UGT2A2: variants seen among roughly 807,000 people sequenced by gnomAD.
The protein encoded by UGT2A2 is UDP glucuronosyltransferase family 2 member A2.
UGT2A2 carries 60 observed loss-of-function variants against 50.7 expected under a neutral mutation model. The observed-to-expected ratio is 1.18, with a 90% CI of 0.96 to 1.47. The LOEUF (loss-of-function observed/expected upper bound fraction) is 1.47. Among genes scored for constraint, UGT2A2 ranks in the 40% most tolerant of loss-of-function variants. UGT2A2 has a pLI of 0.00. For synonymous variants in UGT2A2, 242 were observed against 214.6 expected (o/e 1.13, Z -1.11); for missense variants, 762 against 634.0 (o/e 1.20, Z -2.17).
At chr4:69,599,166 T>C (rs534336875) in intron 2 of UGT2A2, 80 bp downstream of exon 2, 2 of 1,473,084 alleles carry the variant, frequency 1.4e-6, no homozygotes, top group Non-Finnish European at 1.8e-6. Flanking sequence ...CATTTATTTG[T>C]TATTGAGGCT....
chr4:69,627,955 C>T (rs1721182832), intron 1 of UGT2A2, among the ~76,000 whole-genome samples: 1 of 151,886 alleles, frequency 6.6e-6, no homozygotes, highest in Admixed American at 6.6e-5. Flanking sequence ...TATTCACTTC[C>T]ATTCCACAGA....
chr4:69,597,304 T>C (rs998925442), intron 2 of UGT2A2, among the ~76,000 whole-genome samples: 4 of 152,182 alleles, frequency 2.6e-5, no homozygotes, highest in African/African-American at 9.6e-5. Context: ...TTCTTCTTGA[T>C]GTATAAGCTG....
At chr4:69,616,446 A>G (rs1424081629) in intron 1 of UGT2A2, among the ~76,000 whole-genome samples, 2 of 151,988 alleles carry the variant, frequency 1.3e-5, no homozygotes, top group Admixed American at 6.6e-5. Context: ...TCCTGATTTG[A>G]TCATTACACA....
intron 1 of UGT2A2, among the ~76,000 whole-genome samples, chr4:69,625,725 A>T (rs1721018106): frequency 1.3e-5 from 2 of 151,536 alleles, no homozygotes; most frequent in Non-Finnish European, 3.0e-5. Context: ...ATTTACATAC[A>T]GAAATACAGA....
intron 5 of UGT2A2, among the ~76,000 whole-genome samples, chr4:69,593,886 A>G (rs1015064617): frequency 6.6e-6 from 1 of 151,870 alleles, no homozygotes; most frequent in Non-Finnish European, 1.5e-5. Context: ...TATAATATTA[A>G]GCAGATTATC....
chr4:69,623,231 G>A (rs1720853723), intron 1 of UGT2A2, among the ~76,000 whole-genome samples: 1 of 151,714 alleles, frequency 6.6e-6, no homozygotes, highest in South Asian at 2.1e-4. Context: ...TGTACTGCAT[G>A]CCAAGTGATA....
chr4:69,611,536 A>T (rs1290335053), intron 1 of UGT2A2, among the ~76,000 whole-genome samples: 2 of 152,134 alleles, frequency 1.3e-5, no homozygotes, highest in Non-Finnish European at 2.9e-5. Context: ...GCTACATGAT[A>T]TAGCTCAGAG....
chr4:69,589,494 A>T lies in UGT2A2; in HGVS notation c.1489T>A (p.Ser497Thr). The stretch of plus-strand genomic sequence containing the variant: ...AGCAAGAACCCAATTACATCCAAAG[A>T]GTGGTACTGGAACCAGGTGAGGTCA... ...AHDLTWFQYH[S>T]LDVIGFLLVC... The change falls in exon 6 of 6, where the codon TCT (serine) becomes ACT (threonine). Residue 497 changes from serine to threonine, a missense_variant. By Grantham distance (58) the Ser-to-Thr change is moderately conservative (BLOSUM62 1). Coordinates refer to ENST00000604629, the MANE Select transcript of UGT2A2 (RefSeq NM_001105677.2). 6.2e-7 allele frequency: 1 copy of T among 1,614,084 alleles called. No individual in the cohort carries two copies. Among genetic ancestry groups the T allele is most frequent in the Non-Finnish European group, 8.5e-7 (1 of 1,180,004 alleles).
intron 1 of UGT2A2, among the ~76,000 whole-genome samples, chr4:69,619,860 A>G (rs1462338383): frequency 6.6e-6 from 1 of 152,082 alleles, no homozygotes; most frequent in African/African-American, 2.4e-5. Flanking sequence ...TACACAAATC[A>G]ATACATGTGG....
chr4:69,622,923 T>A (rs1311484267), intron 1 of UGT2A2, among the ~76,000 whole-genome samples: 1 of 151,820 alleles, frequency 6.6e-6, no homozygotes, highest in Non-Finnish European at 1.5e-5. Flanking sequence ...AACAATTAGG[T>A]CTTGGCTATA....
At chr4:69,600,900 C>G (rs985434589) in intron 1 of UGT2A2, among the ~76,000 whole-genome samples, 1 of 152,082 alleles carries the variant, frequency 6.6e-6, no homozygotes, top group African/African-American at 2.4e-5. Context: ...GAATACTCTA[C>G]CCCCATGATC....
At chr4:69,618,604 T>A (rs1456274603) in intron 1 of UGT2A2, among the ~76,000 whole-genome samples, 3 of 152,002 alleles carry the variant, frequency 2.0e-5, no homozygotes. Flanking sequence ...TACACAAAGA[T>A]TGTATATTGA....
At position 69,620,005 on chromosome 4, in the gene UGT2A2, A is replaced by G. The variant is rs1720650019; in HGVS notation, c.742+18894T>C. ...TACCTCAAAATAATAAGAGACATAT[A>G]TGACAAACCCCCAGCCAACACCATA... On this transcript the variant is annotated intron_variant, in intron 1 of 5. Coordinates refer to ENST00000604629, the MANE Select transcript of UGT2A2 (RefSeq NM_001105677.2). Among the ~76,000 whole-genome samples the G allele has an allele frequency of 1.3e-5, 2 of 152,084 alleles. 1 individual carries two copies. The highest frequency in any genetic ancestry group is 4.1e-4 in the South Asian group (2 of 4,834).
chr4:69,616,611 G>A (rs1199189320), intron 1 of UGT2A2, among the ~76,000 whole-genome samples: 1 of 151,872 alleles, frequency 6.6e-6, no homozygotes, highest in Non-Finnish European at 1.5e-5. Context: ...ACCATTTCCT[G>A]TAAAGCCACT....
At chr4:69,607,391 T>G (rs943825282) in intron 1 of UGT2A2, among the ~76,000 whole-genome samples, 8 of 151,774 alleles carry the variant, frequency 5.3e-5, no homozygotes, top group African/African-American at 1.9e-4. Context: ...CCTGGATCCC[T>G]TCCTTACACC....
chr4:69,624,734 T>C (rs1186938920), intron 1 of UGT2A2, among the ~76,000 whole-genome samples: 1 of 151,462 alleles, frequency 6.6e-6, no homozygotes, highest in Admixed American at 6.6e-5. Flanking sequence ...TTTGTGTTAT[T>C]GTTGCCATAC....
In UGT2A2 at chr4:69,622,311, G is replaced by A. The variant is rs558311823; in HGVS notation, c.742+16588C>T. 2.0e-5 allele frequency among the ~76,000 whole-genome samples: 3 copies of A among 151,602 alleles called. No individual in the cohort carries two copies. In the South Asian group the frequency reaches 6.3e-4, roughly 32 times the overall value. On this transcript the variant is annotated intron_variant, in intron 1 of 5. Coordinates refer to ENST00000604629, the MANE Select transcript of UGT2A2 (RefSeq NM_001105677.2). ...ATAACACCACAAAGATGGGAAATTG[G>A]CATACAAAAAGTTAGAGATCAAAAC...
At chr4:69,635,842 A>AAAAAAAAAAAAAAAAG (rs1721664747) in intron 1 of UGT2A2, 2 of 144,128 alleles carry the variant, frequency 1.4e-5, no homozygotes, top group African/African-American at 5.6e-5. Flanking sequence ...AAAAAAAAAA[A>AAAAAAAAAAAAAAAAG]AAAAAAAAGA....
chr4:69,589,695 T>C, intron 5 of UGT2A2, 44 bp from the exon 6 acceptor site: 1 of 1,561,414 alleles, frequency 6.4e-7, no homozygotes, highest in Non-Finnish European at 8.7e-7. Context: ...ATTTTTGTTT[T>C]TATTTTCATT....
Sources: gnomAD v4.1 joint callset for allele counts (sites outside exome capture counted in the v4.1 genomes callset) on GRCh38, gnomAD v4.1.1 for gene constraint, MANE v1.5 for transcripts, NCBI Gene and HGNC (gene_info 2026-07-23, HGNC 2026-07-21) for gene names.